The following SPATA17 variants were observed in gnomAD, a reference collection of about 807,000 sequenced individuals.
SPATA17 encodes the protein spermatogenesis associated 17, also known as spermatogenesis-associated protein 17.
A neutral mutation model predicts 62.2 loss-of-function variants in SPATA17; 53 were observed. The ratio of observed to expected loss-of-function variants is 0.85; its 90% CI spans 0.68 to 1.07. The LOEUF is 1.07. SPATA17 is among the 50% of genes least tolerant of loss of function. The probability of loss-of-function intolerance (pLI) is 0.00; values close to 1 mark genes in which losing one functional copy is unlikely to be tolerated. For synonymous variants in SPATA17, 146 were observed against 146.8 expected (o/e 0.99, Z 0.04); for missense variants, 466 against 425.5 (o/e 1.10, Z -0.84).
intron 5 of SPATA17, among the ~76,000 whole-genome samples, chr1:217,700,613 G>A (rs1671573004): frequency 6.6e-6 from 1 of 151,190 alleles, no homozygotes; most frequent in South Asian, 2.1e-4. Context: ...TTGAGATGAA[G>A]TCTTGCTCTG....
Position 217,774,548 on chromosome 1 carries a change from G to T in SPATA17, c.723+11G>T. 2.5e-6 allele frequency: 4 copies of T among 1,609,148 alleles called. No individual in the cohort carries two copies. The highest frequency in any genetic ancestry group is 3.4e-6 in the Non-Finnish European group (4 of 1,176,656). On this transcript the variant is annotated intron_variant, in intron 7 of 10. Coordinates refer to ENST00000366933, the MANE Select transcript of SPATA17 (RefSeq NM_138796.4). ...AGAAAGCAATGTCAGGTACTAGTTT[G>T]CTGTATAAGAATTCTGTCATTAATT... is the stretch of plus-strand genomic sequence containing the variant.
intron 1 of SPATA17, among the ~76,000 whole-genome samples, chr1:217,639,995 A>G (rs1003165667): frequency 6.6e-6 from 1 of 151,710 alleles, no homozygotes; most frequent in Non-Finnish European, 1.5e-5. Context: ...TATTCATCTG[A>G]CTTTAGCAAT....
At chr1:217,687,935 C>T (rs1435599501) in intron 5 of SPATA17, among the ~76,000 whole-genome samples, 1 of 152,150 alleles carries the variant, frequency 6.6e-6, no homozygotes, top group Non-Finnish European at 1.5e-5. Context: ...CTTTATGTTT[C>T]TGCTTTTTCT....
intron 5 of SPATA17, among the ~76,000 whole-genome samples, chr1:217,683,977 G>T (rs1558564701): frequency 6.6e-6 from 1 of 151,998 alleles, no homozygotes; most frequent in Non-Finnish European, 1.5e-5. Context: ...TCTGTAAAAC[G>T]ATCTAGAGAT....
At chr1:217,646,162 C>A (rs968047662) in intron 1 of SPATA17, among the ~76,000 whole-genome samples, 5 of 152,060 alleles carry the variant, frequency 3.3e-5, no homozygotes, top group African/African-American at 1.2e-4. Flanking sequence ...CCTCATTTCC[C>A]CCATCCTTCA....
chr1:217,739,725 A>G (rs1672585917), intron 5 of SPATA17: 1 of 152,098 alleles, frequency 6.6e-6, no homozygotes, highest in Non-Finnish European at 1.5e-5. Context: ...AAATGTATAT[A>G]TCAAGAATAA....
chr1:217,662,190 A>G (rs569707887), intron 3 of SPATA17, among the ~76,000 whole-genome samples: 1 of 152,266 alleles, frequency 6.6e-6, no homozygotes, highest in South Asian at 2.1e-4. Flanking sequence ...ATTATGTTTA[A>G]TATCAGATGT....
intron 9 of SPATA17, among the ~76,000 whole-genome samples, chr1:217,857,888 T>C (rs1365634968): frequency 1.3e-5 from 2 of 152,186 alleles, no homozygotes; most frequent in East Asian, 3.9e-4. Flanking sequence ...ATCTGTACTA[T>C]TGTCTGACAC....
chr1:217,740,180 C>G (rs1672597648), intron 5 of SPATA17, among the ~76,000 whole-genome samples: 1 of 123,712 alleles, frequency 8.1e-6, no homozygotes, highest in African/African-American at 2.6e-5. Flanking sequence ...TTATATAAGA[C>G]CTTTTCATAT....
chr1:217,752,891 C>T (rs1168485437), intron 6 of SPATA17, among the ~76,000 whole-genome samples: 1 of 152,062 alleles, frequency 6.6e-6, no homozygotes, highest in East Asian at 1.9e-4. Context: ...AGGAATATTC[C>T]TGGGAGGTAT....
intron 9 of SPATA17, among the ~76,000 whole-genome samples, chr1:217,838,309 G>A (rs893598707): frequency 1.3e-5 from 2 of 151,950 alleles, no homozygotes; most frequent in Non-Finnish European, 2.9e-5. Context: ...ATTTAGTCAA[G>A]CATTTTTCTC....
chr1:217,712,679 C>T (rs1219760407), intron 5 of SPATA17, among the ~76,000 whole-genome samples: 1 of 152,044 alleles, frequency 6.6e-6, no homozygotes, highest in Non-Finnish European at 1.5e-5. Context: ...TTCTAGCATT[C>T]TGATCATTTT....
chr1:217,801,406 G>A (rs72728872), intron 8 of SPATA17, among the ~76,000 whole-genome samples: 4,662 of 152,184 alleles, frequency 0.031, 101 homozygotes, highest in Middle Eastern at 0.065. Context: ...TTTATATGAT[G>A]AATTTTGAGT....
chr1:217,725,040 A>T (rs1189640429), intron 5 of SPATA17, among the ~76,000 whole-genome samples: 15 of 152,134 alleles, frequency 9.9e-5, no homozygotes, highest in Non-Finnish European at 1.8e-4. Flanking sequence ...TCTTTGCATG[A>T]TTTTAAGAAT....
At chr1:217,807,289 T>G (rs1031895623) in intron 9 of SPATA17, among the ~76,000 whole-genome samples, 7 of 151,622 alleles carry the variant, frequency 4.6e-5, no homozygotes, top group Non-Finnish European at 1.0e-4. Flanking sequence ...GGGGCAAGGG[T>G]TGAAAAACTA....
chr1:217,816,846 C>A (rs546021537), intron 9 of SPATA17, among the ~76,000 whole-genome samples: 1 of 152,104 alleles, frequency 6.6e-6, no homozygotes, highest in Non-Finnish European at 1.5e-5. Context: ...GTATTCCTGG[C>A]ATAAACTCTC....
intron 8 of SPATA17, among the ~76,000 whole-genome samples, chr1:217,786,759 CT>C (rs1558050787): frequency 8.7e-5 from 11 of 126,786 alleles, no homozygotes; most frequent in African/African-American, 3.9e-4. Flanking sequence ...CTTTCTTCTT[CT>C]TCTTCTTCTT....
chr1:217,694,455 G>A (rs1671409497), intron 5 of SPATA17, among the ~76,000 whole-genome samples: 1 of 140,712 alleles, frequency 7.1e-6, no homozygotes, highest in Admixed American at 7.1e-5. Context: ...CAACTTGCCA[G>A]TCTGTGTCTT....
chr1:217,763,397 G>GA (rs35735781), intron 6 of SPATA17, among the ~76,000 whole-genome samples: 8,515 of 146,892 alleles, frequency 0.058, 288 homozygotes, highest in African/African-American at 0.086. Flanking sequence ...TAAGCAGATG[G>GA]AAAAAAAAAA....
Sources: allele counts gnomAD v4.1 joint callset (sites outside exome capture counted in the v4.1 genomes callset), GRCh38; gene constraint gnomAD v4.1.1; transcripts MANE v1.5; gene names NCBI Gene and HGNC (gene_info 2026-07-23, HGNC 2026-07-21).